MDM1: variants seen among roughly 807,000 people sequenced by gnomAD.
MDM1 encodes Mdm1 nuclear protein.
MDM1 carries 61 observed loss-of-function variants against 89.1 expected under a neutral mutation model. The observed-to-expected ratio is 0.68, with a 90% CI of 0.56 to 0.85. The LOEUF (loss-of-function observed/expected upper bound fraction) is 0.85, where lower values mean the gene tolerates loss of function less well. MDM1 is among the 40% of genes least tolerant of loss of function. The probability of loss-of-function intolerance (pLI) is 0.00; values close to 1 mark genes in which losing one functional copy is unlikely to be tolerated. For synonymous variants in MDM1, 290 were observed against 294.1 expected (o/e 0.99, Z 0.14); for missense variants, 820 against 846.5 (o/e 0.97, Z 0.39).
chr12:68,321,222 G>A, intron 7 of MDM1, 125 bp downstream of exon 7: 1 of 583,364 alleles, frequency 1.7e-6, no homozygotes, highest in Non-Finnish European at 2.9e-6. Flanking sequence ...GATACTATTA[G>A]TGCTATTATT....
At chr12:68,307,990 A>C (rs971969981) in intron 12 of MDM1, among the ~76,000 whole-genome samples, 2 of 151,346 alleles carry the variant, frequency 1.3e-5, no homozygotes, top group African/African-American at 4.8e-5. Flanking sequence ...AAAAAGAATA[A>C]CATCTAAGAT....
intron 1 of MDM1, 130 bp downstream of exon 1, chr12:68,332,098 G>C (rs1876917616): frequency 7.6e-7 from 1 of 1,312,656 alleles, no homozygotes; most frequent in East Asian, 2.5e-5. Context: ...CCCTCGAGCA[G>C]GCCCTGGGGC....
chr12:68,316,685 C>T, intron 7 of MDM1, 75 bp from the exon 8 acceptor site: 5 of 1,137,026 alleles, frequency 4.4e-6, no homozygotes, highest in East Asian at 2.6e-5. Context: ...ATCAATGAAA[C>T]ACATTATTCT....
At chr12:68,306,164 A>T (rs1361219868) in intron 12 of MDM1, among the ~76,000 whole-genome samples, 2 of 152,038 alleles carry the variant, frequency 1.3e-5, no homozygotes, top group African/African-American at 2.4e-5. Flanking sequence ...TGAACAATGG[A>T]AAAAGGACAC....
rs1458907213 is a variant in MDM1, at chr12:68,316,282, C to A, written c.1036-29G>T. On this transcript the variant is annotated intron_variant, in intron 8 of 14. Transcript: ENST00000682720. ...TTCAGGAGAGTTCAGACATCATATA[C>A]TATTGTAAATGCTTCTTTACAAACA... 1.2e-5 allele frequency: 19 copies of A among 1,585,500 alleles called. No individual in the cohort carries two copies. The Admixed American group carries it at 3.4e-4, about 29-fold the overall frequency.
intron 12 of MDM1, among the ~76,000 whole-genome samples, 156 bp from the exon 13 acceptor site, chr12:68,303,028 C>A (rs1043089006): frequency 4.6e-5 from 7 of 151,568 alleles, no homozygotes; most frequent in Non-Finnish European, 8.8e-5. Flanking sequence ...ATGATATAGA[C>A]AAACAGACCT....
intron 12 of MDM1, among the ~76,000 whole-genome samples, chr12:68,307,252 T>C (rs1873022105): frequency 6.6e-6 from 1 of 152,342 alleles, no homozygotes; most frequent in African/African-American, 2.4e-5. Context: ...TGTTCACTAT[T>C]TGGGTGATGG....
Position 68,326,954 on chromosome 12 carries a change from T to C in MDM1, c.201A>G (p.Lys67=), listed in dbSNP as rs779688917. 13 of 1,613,770 alleles carry C rather than the reference T, an allele frequency of 8.1e-6. No individual in the cohort carries two copies. The highest frequency in any genetic ancestry group is 1.7e-4 in the Middle Eastern group (1 of 6,060). Residue 67 remains lysine, a synonymous_variant, in exon 3 of 15, where the codon AAA becomes AAG. Coordinates refer to ENST00000682720, the MANE Select transcript of MDM1 (RefSeq NM_001354969.2). ...AGATAGCTCCATTCCACTCCAGAGATTTTGAAATCTGTGGGTCATGGTAAG... is the reference window on the plus strand; with the variant it reads ...AGATAGCTCCATTCCACTCCAGAGACTTTGAAATCTGTGGGTCATGGTAAG... ...RVPYHDPQIS[K]SLEWNGAISE...
intron 2 of MDM1, chr12:68,330,717 C>A (rs1370123133): frequency 1.2e-5 from 2 of 162,220 alleles, no homozygotes; most frequent in African/African-American, 4.8e-5. Context: ...GTTAAGAATT[C>A]CTTATTTTGT....
rs1422659339 is a variant in MDM1, at chr12:68,302,639, A to C, written c.1983T>G (p.Asp661Glu). ...PSRRIQGSLR[D>E]PEFQHNVGKA... ...AATTACCATTGTGCTGAAACTCTGGATCTCTAAGAGAGCCCTGAATTCGTC... is the reference window on the plus strand; with the variant it reads ...AATTACCATTGTGCTGAAACTCTGGCTCTCTAAGAGAGCCCTGAATTCGTC... The change falls in exon 13 of 15, where the codon GAT becomes GAG. Residue 661 changes from aspartate to glutamate, a missense_variant. Coordinates refer to ENST00000682720, the MANE Select transcript of MDM1 (RefSeq NM_001354969.2). The C allele has an allele frequency of 6.2e-7, 1 of 1,612,950 alleles. No individual in the cohort carries two copies. The highest frequency in any genetic ancestry group is 8.5e-7 in the Non-Finnish European group (1 of 1,179,470).
intron 12 of MDM1, among the ~76,000 whole-genome samples, chr12:68,311,997 A>T (rs898501409): frequency 6.6e-6 from 1 of 152,078 alleles, no homozygotes; most frequent in African/African-American, 2.4e-5. Context: ...CCAGGATACC[A>T]GTCTCGTTTG....
intron 12 of MDM1, 123 bp from the exon 13 acceptor site, chr12:68,302,995 T>C: frequency 5.0e-5 from 33 of 656,686 alleles, no homozygotes; most frequent in Non-Finnish European, 6.0e-5. Context: ...AGAGAATTTA[T>C]GCAACATCTA....
chr12:68,315,058 C>T lies in MDM1; in HGVS notation c.1419G>A (p.Glu473=), dbSNP rs761653386. Residue 473 remains glutamate (E), a synonymous_variant, in exon 10 of 15, where the codon GAG becomes GAA. Transcript: ENST00000682720. ...VQKQPGEKEE[E]DDNEEEGDRK... Reference sequence around the variant, plus strand: ...TGTCCCCTTCCTCTTCATTGTCGTCCTCCTCCTCTTTCTCCCCGGGCTGTT... The same window carrying T: ...TGTCCCCTTCCTCTTCATTGTCGTCTTCCTCCTCTTTCTCCCCGGGCTGTT... 16 of 1,613,082 alleles carry T rather than the reference C, an allele frequency of 9.9e-6. No homozygotes were observed. The South Asian group carries it at 1.5e-4, about 16-fold the overall frequency.
intron 2 of MDM1, among the ~76,000 whole-genome samples, chr12:68,327,741 T>C (rs1401397215): frequency 2.0e-5 from 3 of 151,928 alleles, no homozygotes; most frequent in African/African-American, 7.3e-5. Flanking sequence ...GGAAAGAAAA[T>C]TGGGCATGAG....
chr12:68,313,152 T>C (rs530068955), intron 12 of MDM1, among the ~76,000 whole-genome samples: 1 of 152,342 alleles, frequency 6.6e-6, no homozygotes, highest in South Asian at 2.1e-4. Context: ...AAACAATGCC[T>C]GGAACATAGC....
At position 68,294,706 on chromosome 12, in the gene MDM1, T is replaced by C. The variant is rs981543084; in HGVS notation, c.*548A>G. On this transcript the variant is annotated 3_prime_UTR_variant, in exon 15 of 15. Coordinates refer to ENST00000682720, the MANE Select transcript of MDM1 (RefSeq NM_001354969.2). ...AGAATACACTCAAAGATCAAAAATA[T>C]ACATATCTTTCAGCAAACTTTGTTA... The C allele has an allele frequency of 7.2e-5, 11 of 152,222 alleles. No individual in the cohort carries two copies. The highest frequency in any genetic ancestry group is 2.2e-4 in the African/African-American group (9 of 41,454). The allele number at this position is 152,222 out of a possible 1,614,324, so 9.4% of individuals were successfully genotyped here.
chr12:68,302,410 T>C (rs1872288429), intron 13 of MDM1, among the ~76,000 whole-genome samples: 1 of 152,168 alleles, frequency 6.6e-6, no homozygotes, highest in Admixed American at 6.5e-5. Context: ...TTGAGAGATA[T>C]CTCACACATA....
At chr12:68,307,655 G>T (rs1175643390) in intron 12 of MDM1, among the ~76,000 whole-genome samples, 6 of 151,916 alleles carry the variant, frequency 3.9e-5, no homozygotes. Context: ...AGCAAAAAAT[G>T]GGCCAGATGT....
At chr12:68,297,592 C>CA (rs1871584283) in intron 13 of MDM1, among the ~76,000 whole-genome samples, 2 of 152,236 alleles carry the variant, frequency 1.3e-5, no homozygotes, top group African/African-American at 4.8e-5. Context: ...TATGTTTTTA[C>CA]AAAAATAGTT....
Sources: gnomAD v4.1 joint callset for allele counts (sites outside exome capture counted in the v4.1 genomes callset) on GRCh38, gnomAD v4.1.1 for gene constraint, MANE v1.5 for transcripts, NCBI Gene and HGNC (gene_info 2026-07-23, HGNC 2026-07-21) for gene names.